The following APBA1 variants were observed in gnomAD, a reference collection of about 807,000 sequenced individuals.
APBA1 encodes the protein amyloid beta precursor protein binding family A member 1.
Under a neutral mutation model 86.6 loss-of-function variants are expected in APBA1, and 55 were observed. That is an observed-to-expected ratio of 0.64 (90% confidence interval 0.51 to 0.80). The LOEUF (loss-of-function observed/expected upper bound fraction) is 0.80. Among genes scored for constraint, APBA1 ranks in the 30% least tolerant of loss-of-function variants. APBA1 has a pLI of 0.00. For synonymous variants in APBA1, 511 were observed against 493.9 expected (o/e 1.03, Z -0.46); for missense variants, 1,090 against 1,183.0 (o/e 0.92, Z 1.15).
chr9:69,620,945 G>A (rs528883272), intron 1 of APBA1, among the ~76,000 whole-genome samples: 5 of 152,260 alleles, frequency 3.3e-5, no homozygotes, highest in African/African-American at 7.2e-5. Context: ...AGCATGCGGC[G>A]GTCCTGCATG....
intron 1 of APBA1, among the ~76,000 whole-genome samples, chr9:69,588,179 G>A (rs565105442): frequency 6.6e-6 from 1 of 152,242 alleles, no homozygotes; most frequent in South Asian, 2.1e-4. Context: ...CTACTGGGGA[G>A]AAAGAAAGAA....
chr9:69,510,667 A>G lies in APBA1; in HGVS notation c.1200+5344T>C, dbSNP rs1165867217. ...GGAGGCATCACGCTACCTGACTTCA[A>G]ACTATACTACAAGGCTACAGTCACC... is the stretch of plus-strand genomic sequence containing the variant. On this transcript the variant is annotated intron_variant, in intron 2 of 12. Coordinates refer to ENST00000265381, the MANE Select transcript of APBA1 (RefSeq NM_001163.4). Among the ~76,000 whole-genome samples the G allele has an allele frequency of 4.2e-5, 6 of 143,300 alleles. 1 individual carries two copies. Among genetic ancestry groups the G allele is most frequent in the Non-Finnish European group, 4.5e-5 (3 of 66,974 alleles). The allele number at this position is 143,300 out of a possible 152,430, so 94.0% of individuals were successfully genotyped here.
At chr9:69,646,547 A>T (rs966890298) in intron 1 of APBA1, among the ~76,000 whole-genome samples, 3 of 151,610 alleles carry the variant, frequency 2.0e-5, no homozygotes, top group Non-Finnish European at 2.9e-5. Context: ...CCCCTTCTGG[A>T]GAGCTTCGGA....
At chr9:69,440,877 C>T (rs567336253) in intron 11 of APBA1, 119 bp downstream of exon 11, 85 of 1,279,882 alleles carry the variant, frequency 6.6e-5, no homozygotes, top group Middle Eastern at 3.8e-4. Flanking sequence ...GCATCACTCA[C>T]GCTGGGAGTT....
intron 1 of APBA1, among the ~76,000 whole-genome samples, chr9:69,536,923 A>G (rs1433309820): frequency 6.7e-6 from 1 of 149,036 alleles, no homozygotes; most frequent in South Asian, 2.1e-4. Flanking sequence ...CATAGCCCAA[A>G]CCCCTCCTTT....
At chr9:69,545,229 G>T (rs745317458) in intron 1 of APBA1, among the ~76,000 whole-genome samples, 3 of 152,150 alleles carry the variant, frequency 2.0e-5, no homozygotes, top group South Asian at 2.1e-4. Context: ...TGTGCTAGCC[G>T]GCAAAGAAAA....
intron 3 of APBA1, 84 bp downstream of exon 3, chr9:69,475,964 T>C (rs1261084851): frequency 2.7e-6 from 3 of 1,101,304 alleles, no homozygotes; most frequent in Non-Finnish European, 4.1e-6. Flanking sequence ...AGGAGCGCTG[T>C]AGGATGCTGT....
chr9:69,467,979 T>C lies in APBA1; in HGVS notation c.1337-11A>G, dbSNP rs7870112. 6.2e-4 allele frequency: 1,003 copies of C among 1,613,374 alleles called. 8 individuals carry two copies. The African/African-American group carries it at 0.012, about 20-fold the overall frequency. On this transcript the variant is annotated splice_polypyrimidine_tract_variant and intron_variant, in intron 4 of 12. Transcript: ENST00000265381. Reference sequence around the variant, plus strand: ...CGCAGGGTCCCGGAACTGTAACACATAGAGCCACAGTGAGGAAGCCATCCT... The same window carrying C: ...CGCAGGGTCCCGGAACTGTAACACACAGAGCCACAGTGAGGAAGCCATCCT...
chr9:69,666,000 T>G (rs1470911524), intron 1 of APBA1, among the ~76,000 whole-genome samples: 4 of 152,202 alleles, frequency 2.6e-5, no homozygotes, highest in African/African-American at 9.7e-5. Flanking sequence ...CCTCCCAAAG[T>G]GCTGGGATTA....
At chr9:69,640,283 T>C (rs1440626347) in intron 1 of APBA1, among the ~76,000 whole-genome samples, 1 of 152,034 alleles carries the variant, frequency 6.6e-6, no homozygotes, top group Non-Finnish European at 1.5e-5. Flanking sequence ...CAGTGTCTTA[T>C]GATTAGGAAA....
At chr9:69,523,534 G>C (rs4128939) in intron 1 of APBA1, among the ~76,000 whole-genome samples, 2,286 of 102,354 alleles carry the variant, frequency 0.022, 105 homozygotes, top group African/African-American at 0.092. Flanking sequence ...TATATATATA[G>C]ACACACACAC....
intron 1 of APBA1, among the ~76,000 whole-genome samples, chr9:69,552,985 C>A (rs1416001996): frequency 6.6e-6 from 1 of 150,466 alleles, no homozygotes; most frequent in Non-Finnish European, 1.5e-5. Flanking sequence ...ATCATTGCAG[C>A]CTCAACCACC....
intron 2 of APBA1, among the ~76,000 whole-genome samples, chr9:69,506,361 G>A (rs1341504062): frequency 4.4e-5 from 6 of 137,198 alleles, no homozygotes; most frequent in African/African-American, 1.1e-4. Flanking sequence ...TTTTCGGACC[G>A]GCTTAAAAAA....
intron 1 of APBA1, among the ~76,000 whole-genome samples, chr9:69,574,203 T>C (rs1359085144): frequency 6.6e-6 from 1 of 152,204 alleles, no homozygotes; most frequent in Non-Finnish European, 1.5e-5. Flanking sequence ...TGGCCTTGCA[T>C]AGGAATCACC....
At chr9:69,656,055 A>T (rs564956836) in intron 1 of APBA1, among the ~76,000 whole-genome samples, 1 of 152,368 alleles carries the variant, frequency 6.6e-6, no homozygotes, top group South Asian at 2.1e-4. Context: ...ATTAATAAAA[A>T]TAACACAACT....
chr9:69,497,388 C>T (rs1835816162), intron 2 of APBA1, among the ~76,000 whole-genome samples: 1 of 151,996 alleles, frequency 6.6e-6, no homozygotes, highest in Non-Finnish European at 1.5e-5. Context: ...GCTTCCCAAA[C>T]ATTTTGCACC....
chr9:69,537,622 G>A (rs1315890523), intron 1 of APBA1, among the ~76,000 whole-genome samples: 1 of 152,114 alleles, frequency 6.6e-6, no homozygotes, highest in South Asian at 2.1e-4. Flanking sequence ...GCAGGGAAAT[G>A]GGGCTTCCCT....
intron 1 of APBA1, among the ~76,000 whole-genome samples, chr9:69,531,610 C>A (rs906286055): frequency 6.6e-6 from 1 of 152,204 alleles, no homozygotes; most frequent in African/African-American, 2.4e-5. Flanking sequence ...AGTTGCATGA[C>A]CACAGCTCAC....
rs528339860 is a variant in APBA1 at position 69,659,393 on chromosome 9, A to G, written c.-70+12760T>C. Among the ~76,000 whole-genome samples, 12 of 152,324 alleles carry G rather than the reference A, an allele frequency of 7.9e-5. No individual in the cohort carries two copies. In the South Asian group the frequency reaches 1.4e-3, roughly 18 times the overall value. ...ATAATAAATGACACCTGAATCATCC[A>G]CTTTCATATGCACATTCTCTCTACT... On this transcript the variant is annotated intron_variant, in intron 1 of 12. Transcript: ENST00000265381.
Sources: gnomAD v4.1 joint callset for allele counts (sites outside exome capture counted in the v4.1 genomes callset) on GRCh38, gnomAD v4.1.1 for gene constraint, MANE v1.5 for transcripts, NCBI Gene and HGNC (gene_info 2026-07-23, HGNC 2026-07-21) for gene names.